PLS1: variants seen among roughly 807,000 people sequenced by gnomAD.
The protein encoded by PLS1 is plastin 1, also known as plastin-1.
Under a neutral mutation model 73.7 loss-of-function variants are expected in PLS1, and 32 were observed. The ratio of observed to expected loss-of-function variants is 0.43; its 90% confidence interval spans 0.33 to 0.58. The LOEUF (loss-of-function observed/expected upper bound fraction) is 0.58. PLS1 is among the 20% of genes least tolerant of loss of function. The pLI is 0.04. For synonymous variants in PLS1, 217 were observed against 261.3 expected, an observed-to-expected ratio of 0.83 and a Z score of 1.63; for missense variants, 633 against 740.5, an observed-to-expected ratio of 0.85 and a Z score of 1.68.
At position 142,686,348 on chromosome 3, in the gene PLS1, C is replaced by A; in HGVS notation, c.953C>A (p.Ala318Asp). The part of the protein sequence containing the change: ...IAPKGGEDGP[A>D]IAIDLSGINE... ...CCTAAAGGTGGGGAAGATGGACCTG[C>A]CATTGCCATTGACCTTTCAGGAATT... The change falls in exon 9 of 16, where the codon GCC becomes GAC. Residue 318 changes from alanine (A) to aspartate (D), a missense_variant. Transcript: ENST00000457734. 6.2e-7 allele frequency: 1 copy of A among 1,608,008 alleles called. No homozygotes were observed. The highest frequency in any genetic ancestry group is 8.5e-7 in the Non-Finnish European group (1 of 1,174,470).
intron 1 of PLS1, among the ~76,000 whole-genome samples, chr3:142,600,888 A>G (rs959699616): frequency 1.1e-4 from 2 of 17,564 alleles, no homozygotes; most frequent in African/African-American, 3.6e-4. Flanking sequence ...ATATATATAT[A>G]TATATATATA....
At chr3:142,694,062 A>C (rs1269986755) in intron 10 of PLS1, among the ~76,000 whole-genome samples, 1 of 152,066 alleles carries the variant, frequency 6.6e-6, no homozygotes, top group African/African-American at 2.4e-5. Flanking sequence ...TGCACCGAGA[A>C]AGGTATAACT....
chr3:142,632,021 A>G (rs767474855), intron 1 of PLS1, among the ~76,000 whole-genome samples: 11 of 152,206 alleles, frequency 7.2e-5, no homozygotes, highest in Non-Finnish European at 1.5e-4. Context: ...TAATTCAGTA[A>G]CTAAAAACAA....
intron 1 of PLS1, among the ~76,000 whole-genome samples, chr3:142,640,781 T>C (rs1286395970): frequency 2.0e-5 from 3 of 152,130 alleles, no homozygotes; most frequent in African/African-American, 7.2e-5. Flanking sequence ...AGAGGCCAGT[T>C]TGGATTTATT....
At chr3:142,650,378 C>T (rs113176869) in intron 1 of PLS1, among the ~76,000 whole-genome samples, 2,750 of 151,956 alleles carry the variant, frequency 0.018, 83 homozygotes, top group African/African-American at 0.062. Flanking sequence ...ACCCCCATGC[C>T]CGGCTAATCT....
chr3:142,606,927 G>T (rs2036030581), intron 1 of PLS1, among the ~76,000 whole-genome samples: 1 of 152,224 alleles, frequency 6.6e-6, no homozygotes, highest in Non-Finnish European at 1.5e-5. Flanking sequence ...TTTATTAGGG[G>T]CATTTATTTT....
intron 1 of PLS1, among the ~76,000 whole-genome samples, chr3:142,662,421 G>C (rs1167311183): frequency 6.6e-6 from 1 of 152,092 alleles, no homozygotes; most frequent in Admixed American, 6.6e-5. Flanking sequence ...CTATTGGGGG[G>C]TAGGGGCTAG....
At chr3:142,688,891 T>C (rs1283323055) in intron 9 of PLS1, among the ~76,000 whole-genome samples, 1 of 152,184 alleles carries the variant, frequency 6.6e-6, no homozygotes, top group African/African-American at 2.4e-5. Context: ...TTAAAATATG[T>C]ATTTCAACTT....
At chr3:142,628,343 GCGCACA>G (rs1560037243) in intron 1 of PLS1, among the ~76,000 whole-genome samples, 950 of 30,582 alleles carry the variant, frequency 0.031, 12 homozygotes, top group African/African-American at 0.31. Context: ...GTGTGTGTGC[GCGCACA>G]TGTGCATGCA....
rs550899797 is a variant in PLS1, at chr3:142,599,310, G to A, written c.-37+2801G>A. 1.7e-3 allele frequency among the ~76,000 whole-genome samples: 259 copies of A among 150,890 alleles called. 1 individual carries two copies. Among genetic ancestry groups the A allele is most frequent in the Non-Finnish European group, 2.2e-3 (148 of 67,750 alleles). ...ACTATCCCCTAATTGTATAGAGGAG[G>A]GACTCAGATATTCTTTTTTTTTTTT... On this transcript the variant is annotated intron_variant, in intron 1 of 15. Coordinates refer to ENST00000457734, the MANE Select transcript of PLS1 (RefSeq NM_001145319.2).
intron 1 of PLS1, among the ~76,000 whole-genome samples, chr3:142,657,886 A>T (rs2037275898): frequency 6.6e-6 from 1 of 152,198 alleles, no homozygotes; most frequent in Admixed American, 6.5e-5. Flanking sequence ...ATTTCTCAAG[A>T]TTGAAGTAGT....
At chr3:142,615,114 A>G (rs1469419188) in intron 1 of PLS1, among the ~76,000 whole-genome samples, 4 of 152,178 alleles carry the variant, frequency 2.6e-5, no homozygotes, top group Non-Finnish European at 5.9e-5. Flanking sequence ...AGAGGTGCCC[A>G]AGGCACTGAA....
intron 10 of PLS1, among the ~76,000 whole-genome samples, chr3:142,692,269 C>T (rs558320814): frequency 1.2e-4 from 18 of 152,116 alleles, no homozygotes; most frequent in Non-Finnish European, 1.5e-4. Flanking sequence ...TTGTAGACGT[C>T]AAATTGAGCC....
intron 6 of PLS1, among the ~76,000 whole-genome samples, chr3:142,679,489 T>A (rs1279240058): frequency 3.9e-5 from 6 of 152,142 alleles, no homozygotes; most frequent in Non-Finnish European, 7.4e-5. Flanking sequence ...GCTTTCTACA[T>A]ATGGCTAGCC....
chr3:142,672,382 G>A (rs1219177940), intron 4 of PLS1, among the ~76,000 whole-genome samples: 4 of 136,874 alleles, frequency 2.9e-5, no homozygotes, highest in East Asian at 2.1e-4. Context: ...TCGCTCTGTC[G>A]TCCAGGCTGG....
chr3:142,668,348 C>T (rs758400934), intron 2 of PLS1, among the ~76,000 whole-genome samples: 1 of 152,084 alleles, frequency 6.6e-6, no homozygotes, highest in Admixed American at 6.5e-5. Context: ...CACCTAATCT[C>T]AAATGACATC....
intron 1 of PLS1, among the ~76,000 whole-genome samples, chr3:142,606,808 G>A (rs897391318): frequency 2.6e-5 from 4 of 152,166 alleles, no homozygotes; most frequent in Non-Finnish European, 4.4e-5. Context: ...ATATGCCATT[G>A]TGTGGACATA....
intron 1 of PLS1, among the ~76,000 whole-genome samples, chr3:142,616,381 A>G (rs1184687782): frequency 6.6e-6 from 1 of 152,254 alleles, no homozygotes; most frequent in Non-Finnish European, 1.5e-5. Flanking sequence ...AAAGAACACT[A>G]AATGATATAG....
chr3:142,638,365 G>C (rs1195532912), intron 1 of PLS1, among the ~76,000 whole-genome samples: 1 of 152,224 alleles, frequency 6.6e-6, no homozygotes, highest in African/African-American at 2.4e-5. Flanking sequence ...GGCAAGAAAG[G>C]ATAGGGTGTT....
Sources: gnomAD v4.1 joint callset for allele counts (sites outside exome capture counted in the v4.1 genomes callset) on GRCh38, gnomAD v4.1.1 for gene constraint, MANE v1.5 for transcripts, NCBI Gene and HGNC (gene_info 2026-07-23, HGNC 2026-07-21) for gene names.